The following MYRIP variants were observed in gnomAD, a reference collection of about 807,000 sequenced individuals.
MYRIP encodes myosin VIIA and Rab interacting protein.
MYRIP carries 49 observed loss-of-function variants against 98.0 expected under a neutral mutation model. The observed-to-expected ratio is 0.50, with a 90% CI of 0.40 to 0.63. The LOEUF is 0.63. Ranked by LOEUF, MYRIP falls within the 30% of genes least tolerant of loss-of-function variation. The pLI, the probability that MYRIP is intolerant of heterozygous loss-of-function variation, is 0.00. For synonymous variants in MYRIP, 404 were observed against 409.5 expected (o/e 0.99, Z 0.16); for missense variants, 1,004 against 1,058.2 (o/e 0.95, Z 0.71).
intron 11 of MYRIP, among the ~76,000 whole-genome samples, chr3:40,231,978 T>C (rs1952673350): frequency 6.6e-6 from 1 of 152,194 alleles, no homozygotes; most frequent in Non-Finnish European, 1.5e-5. Flanking sequence ...TGAGCCCAAT[T>C]TGTCTCCAAA....
intron 3 of MYRIP, among the ~76,000 whole-genome samples, chr3:40,088,640 A>C (rs567084304): frequency 6.6e-6 from 1 of 152,222 alleles, no homozygotes; most frequent in African/African-American, 2.4e-5. Context: ...CTGGGAGGTC[A>C]CCCAGCAGGC....
intron 2 of MYRIP, among the ~76,000 whole-genome samples, chr3:40,012,308 A>C (rs529379065): frequency 6.6e-6 from 1 of 152,346 alleles, no homozygotes; most frequent in East Asian, 1.9e-4. Flanking sequence ...ATTAAAATTC[A>C]ATACATGATG....
At position 39,901,121 on chromosome 3, in the gene MYRIP, A is replaced by G. The variant is rs141767432; in HGVS notation, c.110+195A>G. 3.6e-3 allele frequency among the ~76,000 whole-genome samples: 547 copies of G among 152,310 alleles called. 3 individuals carry two copies. The highest frequency in any genetic ancestry group is 4.7e-3 in the Non-Finnish European group (319 of 68,022). On this transcript the variant is annotated intron_variant, in intron 2 of 16. Transcript: ENST00000302541. ...CAGAAATGTGTTGCTCACGGTCCCAATCAGGGTTTTGTTGGGACTTCTGAC... is the reference window on the plus strand; with the variant it reads ...CAGAAATGTGTTGCTCACGGTCCCAGTCAGGGTTTTGTTGGGACTTCTGAC...
chr3:40,189,892 C>G lies in MYRIP; in HGVS notation c.1094C>G (p.Pro365Arg), dbSNP rs55785561. The stretch of plus-strand genomic sequence containing the variant: ...GCCCTGAAGGATGGCGCTCCACCCC[C>G]CACCCGACTACTGGCCAAACCTAAG... The part of the protein sequence containing the change: ...WVALKDGAPP[P>R]TRLLAKPKSG... The change falls in exon 10 of 17, where the codon CCC becomes CGC. Residue 365 changes from proline to arginine, a missense_variant. By Grantham distance (103) the Pro-to-Arg change is moderately radical (BLOSUM62 -2). Coordinates refer to ENST00000302541, the MANE Select transcript of MYRIP (RefSeq NM_015460.4). 1.9e-6 allele frequency: 3 copies of G among 1,614,134 alleles called. No individual in the cohort carries two copies. The South Asian group carries it at 3.3e-5, about 18-fold the overall frequency.
intron 1 of MYRIP, among the ~76,000 whole-genome samples, chr3:39,856,684 T>C (rs1178211796): frequency 1.3e-5 from 2 of 152,140 alleles, no homozygotes; most frequent in African/African-American, 4.8e-5. Flanking sequence ...CCCTATTAGA[T>C]ACTTTGTCAG....
chr3:39,900,977 GC>G, intron 2 of MYRIP, 51 bp downstream of exon 2: 1 of 1,398,968 alleles, frequency 7.1e-7, no homozygotes, highest in Non-Finnish European at 1.0e-6. Context: ...ATGTGGACAA[GC>G]GTAACAGGTT....
At chr3:39,966,784 T>C (rs1189068708) in intron 2 of MYRIP, among the ~76,000 whole-genome samples, 5 of 152,198 alleles carry the variant, frequency 3.3e-5, no homozygotes, top group African/African-American at 1.2e-4. Flanking sequence ...GGTACCCTGA[T>C]TGTGAAAATC....
chr3:39,874,659 A>G (rs565414065), intron 1 of MYRIP, among the ~76,000 whole-genome samples: 20 of 152,298 alleles, frequency 1.3e-4, no homozygotes, highest in Middle Eastern at 3.4e-3. Flanking sequence ...ATTTGCATAT[A>G]TTGAACCAGC....
chr3:40,018,414 A>G (rs911888844), intron 2 of MYRIP, among the ~76,000 whole-genome samples: 7 of 152,154 alleles, frequency 4.6e-5, no homozygotes, highest in African/African-American at 1.7e-4. Context: ...CTTTGCTTTC[A>G]GTGAGTGAGA....
At chr3:39,865,401 G>A (rs1279963440) in intron 1 of MYRIP, among the ~76,000 whole-genome samples, 1 of 151,694 alleles carries the variant, frequency 6.6e-6, no homozygotes, top group Non-Finnish European at 1.5e-5. Context: ...CCCACAGAAT[G>A]GAAAAAAAAT....
At chr3:40,117,344 G>A (rs73065816) in intron 3 of MYRIP, among the ~76,000 whole-genome samples, 4,793 of 152,246 alleles carry the variant, frequency 0.031, 116 homozygotes, top group Non-Finnish European at 0.045. Context: ...GATAGCTACT[G>A]TGTTTATGTA....
intron 2 of MYRIP, among the ~76,000 whole-genome samples, chr3:40,039,425 G>T (rs1947460280): frequency 6.6e-6 from 1 of 152,106 alleles, no homozygotes; most frequent in Non-Finnish European, 1.5e-5. Context: ...AGTAACACGA[G>T]GAAGGGAAGA....
At chr3:39,864,473 T>A (rs1473761325) in intron 1 of MYRIP, among the ~76,000 whole-genome samples, 1 of 152,122 alleles carries the variant, frequency 6.6e-6, no homozygotes, top group Non-Finnish European at 1.5e-5. Flanking sequence ...AAAATAAGTG[T>A]ACAAAAGTCA....
At chr3:39,815,698 C>T (rs2125565517) in intron 1 of MYRIP, among the ~76,000 whole-genome samples, 1 of 152,014 alleles carries the variant, frequency 6.6e-6, no homozygotes, top group Non-Finnish European at 1.5e-5. Flanking sequence ...TATATTTTTT[C>T]CTTGGAATAT....
At chr3:40,180,770 C>T (rs1950865606) in intron 8 of MYRIP, among the ~76,000 whole-genome samples, 1 of 152,212 alleles carries the variant, frequency 6.6e-6, no homozygotes, top group African/African-American at 2.4e-5. Context: ...TGTAAGCCCA[C>T]CTTTCTCCTA....
chr3:39,890,341 T>C (rs1348309554), intron 1 of MYRIP, among the ~76,000 whole-genome samples: 1 of 152,088 alleles, frequency 6.6e-6, no homozygotes, highest in African/African-American at 2.4e-5. Flanking sequence ...TCCTACCATG[T>C]CATATTTTAT....
intron 1 of MYRIP, among the ~76,000 whole-genome samples, chr3:39,860,779 A>T (rs933280430): frequency 2.6e-5 from 4 of 152,078 alleles, no homozygotes; most frequent in Admixed American, 2.6e-4. Context: ...TCCCCACATC[A>T]ATTCACTAGT....
chr3:40,131,294 A>T (rs1559413454), intron 3 of MYRIP, among the ~76,000 whole-genome samples: 1 of 152,138 alleles, frequency 6.6e-6, no homozygotes, highest in Non-Finnish European at 1.5e-5. Flanking sequence ...ATCTATATTT[A>T]TCTCCATATT....
At position 40,204,243 on chromosome 3, in the gene MYRIP, T is replaced by A. The variant is rs1272216683; in HGVS notation, c.1666-5611T>A. ...TATATAAATATATATATATTTTTTT[T>A]TTTTGAGACAGAGTCTCACTCTGTC... On this transcript the variant is annotated intron_variant, in intron 10 of 16. Coordinates refer to ENST00000302541, the MANE Select transcript of MYRIP (RefSeq NM_015460.4). 1.6e-4 allele frequency among the ~76,000 whole-genome samples: 13 copies of A among 81,872 alleles called. 1 individual carries two copies. Among genetic ancestry groups the A allele is most frequent in the East Asian group, 8.1e-4 (2 of 2,480 alleles). 53.7% of individuals were successfully genotyped at this position (81,872 alleles called of 152,430 possible). A position where few individuals can be genotyped will look rare whatever the true frequency, so the allele number is the denominator to read the frequency against.
Sources: gnomAD v4.1 joint callset for allele counts (sites outside exome capture counted in the v4.1 genomes callset) on GRCh38, gnomAD v4.1.1 for gene constraint, MANE v1.5 for transcripts, NCBI Gene and HGNC (gene_info 2026-07-23, HGNC 2026-07-21) for gene names.